PRKG1: variants seen among roughly 807,000 people sequenced by gnomAD.
PRKG1 encodes the protein cGMP-dependent protein kinase 1.
Under a neutral mutation model 88.1 loss-of-function variants are expected in PRKG1, and 35 were observed. The observed-to-expected ratio is 0.40, with a 90% CI of 0.30 to 0.53. PRKG1 has a LOEUF of 0.53. Among genes scored for constraint, PRKG1 ranks in the 20% least tolerant of loss-of-function variants. The pLI, the probability that PRKG1 is intolerant of heterozygous loss-of-function variation, is 0.59. For missense variants in PRKG1, 540 were observed against 839.8 expected, an observed-to-expected ratio of 0.64 and a Z score of 4.41; for synonymous variants, 303 against 292.5, an observed-to-expected ratio of 1.04 and a Z score of -0.37.
At chr10:51,856,127 TG>T (rs1564677107) in intron 4 of PRKG1, among the ~76,000 whole-genome samples, 13 of 152,302 alleles carry the variant, frequency 8.5e-5, no homozygotes. Context: ...AGGACAATTA[TG>T]GGGTCATTGC....
At chr10:51,925,168 A>G (rs1842546941) in intron 5 of PRKG1, among the ~76,000 whole-genome samples, 1 of 150,270 alleles carries the variant, frequency 6.7e-6, no homozygotes, top group Non-Finnish European at 1.5e-5. Flanking sequence ...TGAGTAAAAG[A>G]AATTGAAGTG....
chr10:51,007,289 A>G (rs935248698), intron 1 of PRKG1, among the ~76,000 whole-genome samples: 1 of 152,138 alleles, frequency 6.6e-6, no homozygotes, highest in African/African-American at 2.4e-5. Flanking sequence ...GGTGTTCCTG[A>G]TGCTGCTGGT....
chr10:52,167,430 G>A (rs968021772), intron 9 of PRKG1, among the ~76,000 whole-genome samples: 6 of 151,878 alleles, frequency 4.0e-5, no homozygotes, highest in Non-Finnish European at 5.9e-5. Flanking sequence ...GATTTAGACA[G>A]GACAAATATT....
At chr10:51,531,760 T>A (rs888443553) in intron 3 of PRKG1, among the ~76,000 whole-genome samples, 2 of 142,908 alleles carry the variant, frequency 1.4e-5, no homozygotes, top group African/African-American at 2.6e-5. Flanking sequence ...TTCTCCTGCC[T>A]CAGCCTCCTG....
At chr10:52,121,027 G>A (rs1847808479) in intron 7 of PRKG1, among the ~76,000 whole-genome samples, 1 of 152,184 alleles carries the variant, frequency 6.6e-6, no homozygotes, top group African/African-American at 2.4e-5. Context: ...ACACTGCCAA[G>A]GCCCACTGCT....
intron 3 of PRKG1, among the ~76,000 whole-genome samples, chr10:51,603,487 A>G (rs890772685): frequency 2.6e-5 from 4 of 152,280 alleles, no homozygotes; most frequent in South Asian, 2.1e-4. Flanking sequence ...CCTGGAGTTC[A>G]ATTCCAAAGC....
rs576888864 is a variant in PRKG1, at chr10:51,205,341, C to T, written c.478+52011C>T. Among the ~76,000 whole-genome samples, 11 of 150,018 alleles carry T rather than the reference C, an allele frequency of 7.3e-5. No homozygotes were observed. The East Asian group carries it at 7.9e-4, about 11-fold the overall frequency. On this transcript the variant is annotated intron_variant, in intron 2 of 17. Transcript: ENST00000373980. ...TTTGTGAGATGGGGTTTCACCATCT[C>T]GGCCAGGCTGGTCTCGAACCCCTGA...
chr10:52,072,999 G>C (rs1846538371), intron 7 of PRKG1, among the ~76,000 whole-genome samples: 1 of 152,174 alleles, frequency 6.6e-6, no homozygotes, highest in South Asian at 2.1e-4. Context: ...GACATCCAAA[G>C]TCAAAGTGTC....
In PRKG1 at chr10:52,150,116, C is replaced by G. The variant is rs375250594; in HGVS notation, c.1002-11773C>G. Among the ~76,000 whole-genome samples the G allele has an allele frequency of 1.9e-3, 280 of 149,548 alleles. 3 individuals carry two copies. Among genetic ancestry groups the G allele is most frequent in the Middle Eastern group, 7.0e-3 (2 of 286 alleles). On this transcript the variant is annotated intron_variant, in intron 8 of 17. Coordinates refer to ENST00000373980, the MANE Select transcript of PRKG1 (RefSeq NM_006258.4). The stretch of plus-strand genomic sequence containing the variant: ...TGAGCCAAGATCACCCCACTGCACT[C>G]CAGCCTGGGCAACAGAGCAAGACTC...
intron 3 of PRKG1, among the ~76,000 whole-genome samples, chr10:51,651,554 A>G (rs975084397): frequency 3.4e-5 from 5 of 147,828 alleles, no homozygotes; most frequent in African/African-American, 5.0e-5. Context: ...TATTTGGCAC[A>G]TGATTGGCAC....
At position 51,875,221 on chromosome 10, in the gene PRKG1, T is replaced by C. The variant is rs546329539; in HGVS notation, c.699-32286T>C. 4.6e-5 allele frequency among the ~76,000 whole-genome samples: 7 copies of C among 152,046 alleles called. No homozygotes were observed. In the East Asian group the frequency reaches 7.7e-4, roughly 17 times the overall value. ...GTAAGTGTTGAATGCATTTGTGAGA[T>C]AGAGAAACTGCTTCATAGTGGACAA... On this transcript the variant is annotated intron_variant, in intron 4 of 17. Coordinates refer to ENST00000373980, the MANE Select transcript of PRKG1 (RefSeq NM_006258.4).
At chr10:51,345,439 G>C (rs2132554208) in intron 2 of PRKG1, among the ~76,000 whole-genome samples, 1 of 152,126 alleles carries the variant, frequency 6.6e-6, no homozygotes, top group Admixed American at 6.6e-5. Context: ...GAGTGTTACT[G>C]TGCTTGATTG....
intron 2 of PRKG1, among the ~76,000 whole-genome samples, chr10:51,211,636 A>G (rs1564639960): frequency 2.0e-5 from 3 of 152,238 alleles, no homozygotes; most frequent in Admixed American, 6.5e-5. Context: ...TACAAAATCA[A>G]TGTACAAAAA....
At chr10:51,402,088 C>A (rs929430558) in intron 2 of PRKG1, among the ~76,000 whole-genome samples, 2 of 152,098 alleles carry the variant, frequency 1.3e-5, no homozygotes, top group African/African-American at 4.8e-5. Flanking sequence ...GAAATTATAG[C>A]ATAAGAACAA....
At chr10:51,911,476 T>C (rs1461099173) in intron 5 of PRKG1, among the ~76,000 whole-genome samples, 1 of 152,212 alleles carries the variant, frequency 6.6e-6, no homozygotes, top group Non-Finnish European at 1.5e-5. Context: ...GTATTTTATG[T>C]CAGATTTTCT....
chr10:51,622,620 A>G (rs1049457076), intron 3 of PRKG1, among the ~76,000 whole-genome samples: 1 of 152,222 alleles, frequency 6.6e-6, no homozygotes, highest in African/African-American at 2.4e-5. Context: ...GAGATAAATC[A>G]GTAAGATAAA....
chr10:51,359,933 C>G (rs763740289), intron 2 of PRKG1, among the ~76,000 whole-genome samples: 1 of 151,922 alleles, frequency 6.6e-6, no homozygotes, highest in Non-Finnish European at 1.5e-5. Flanking sequence ...AGAGTAAACT[C>G]TAACTTTCAG....
intron 5 of PRKG1, among the ~76,000 whole-genome samples, chr10:51,997,108 G>C (rs1844466206): frequency 6.6e-6 from 1 of 152,090 alleles, no homozygotes; most frequent in African/African-American, 2.4e-5. Flanking sequence ...GATTACCAGA[G>C]GCTGGGATGC....
chr10:52,120,206 C>T (rs1425044900), intron 7 of PRKG1, among the ~76,000 whole-genome samples: 1 of 152,152 alleles, frequency 6.6e-6, no homozygotes. Context: ...ACCAAATCAC[C>T]TCTTAAAGAT....
Sources: allele counts gnomAD v4.1 joint callset (sites outside exome capture counted in the v4.1 genomes callset), GRCh38; gene constraint gnomAD v4.1.1; transcripts MANE v1.5; gene names NCBI Gene and HGNC (gene_info 2026-07-23, HGNC 2026-07-21).